The following SETDB1 variants were observed in gnomAD, a reference collection of about 807,000 sequenced individuals.
SETDB1 encodes the protein histone-lysine N-methyltransferase SETDB1.
A neutral mutation model predicts 137.4 loss-of-function variants in SETDB1; 31 were observed. That is an observed-to-expected ratio of 0.23 (90% CI 0.17 to 0.30). The LOEUF (loss-of-function observed/expected upper bound fraction) is 0.30, where lower values mean the gene tolerates loss of function less well. SETDB1 is among the 10% of genes least tolerant of loss of function. The probability of loss-of-function intolerance (pLI) is 1.00; values close to 1 mark genes in which losing one functional copy is unlikely to be tolerated. For synonymous variants in SETDB1, 548 were observed against 579.9 expected (o/e 0.95, Z 0.79); for missense variants, 1,113 against 1,631.5 (o/e 0.68, Z 5.47).
At chr1:150,927,510 A>G (rs1353231234) in intron 1 of SETDB1, among the ~76,000 whole-genome samples, 194 bp from the exon 2 acceptor site, 1 of 152,202 alleles carries the variant, frequency 6.6e-6, no homozygotes, top group Non-Finnish European at 1.5e-5. Flanking sequence ...CAGGAGTGTT[A>G]GCGTACAGCA....
At chr1:150,933,368 C>CTTTTTTTTTTTTTTTTTTTTTTTTT (rs71090112) in intron 3 of SETDB1, among the ~76,000 whole-genome samples, 1 of 118,886 alleles carries the variant, frequency 8.4e-6, no homozygotes, top group Non-Finnish European at 1.7e-5. Flanking sequence ...CCTATTTTGT[C>CTTTTTTTTTTTTTTTTTTTTTTTTT]TTTTTTTTTT....
chr1:150,964,206 C>G, intron 21 of SETDB1, 41 bp from the exon 22 acceptor site: 1 of 1,580,032 alleles, frequency 6.3e-7, no homozygotes, highest in Non-Finnish European at 8.7e-7. Context: ...CCTGGGTTAT[C>G]TGCTGTCTTT....
At chr1:150,961,769 C>A (rs1670830788) in intron 16 of SETDB1, 3 of 252,074 alleles carry the variant, frequency 1.2e-5, no homozygotes, top group East Asian at 7.9e-5. Flanking sequence ...AATGCTGTTT[C>A]AAGTTATTCA....
At chr1:150,959,076 C>T in intron 14 of SETDB1, 102 bp from the exon 15 acceptor site, 1 of 798,722 alleles carries the variant, frequency 1.3e-6, no homozygotes. Context: ...TTATCCACAA[C>T]ACATTATAAA....
At chr1:150,955,889 G>T (rs925710511) in intron 14 of SETDB1, among the ~76,000 whole-genome samples, 3 of 150,528 alleles carry the variant, frequency 2.0e-5, no homozygotes, top group Non-Finnish European at 4.4e-5. Context: ...AGGAGTTCGA[G>T]ACCAGCCTAG....
At chr1:150,945,220 C>A in intron 9 of SETDB1, 112 bp downstream of exon 9, 1 of 1,518,546 alleles carries the variant, frequency 6.6e-7, no homozygotes, top group Admixed American at 2.1e-5. Flanking sequence ...TTCTTATCCT[C>A]GTATGTGTTC....
At chr1:150,928,002 A>C in intron 2 of SETDB1, 28 bp downstream of exon 2, 1 of 1,605,964 alleles carries the variant, frequency 6.2e-7, no homozygotes, top group Non-Finnish European at 8.5e-7. Flanking sequence ...AATAGAAGGA[A>C]ATCTCTCCAT....
chr1:150,935,545 A>G (rs998707897), intron 3 of SETDB1, among the ~76,000 whole-genome samples: 6 of 150,868 alleles, frequency 4.0e-5, no homozygotes, highest in East Asian at 1.9e-4. Context: ...TTTTTCTTCA[A>G]TTTTCTCTCT....
intron 14 of SETDB1, among the ~76,000 whole-genome samples, chr1:150,955,756 T>G (rs750189401): frequency 1.3e-5 from 2 of 152,210 alleles, no homozygotes; most frequent in Non-Finnish European, 2.9e-5. Context: ...TTTGTCTTGC[T>G]AACCATTGTA....
intron 1 of SETDB1, among the ~76,000 whole-genome samples, chr1:150,927,386 A>G (rs1453158720): frequency 6.6e-6 from 1 of 152,188 alleles, no homozygotes; most frequent in Admixed American, 6.5e-5. Flanking sequence ...TCGGCCTCTA[A>G]AAGTGCTGAG....
intron 14 of SETDB1, among the ~76,000 whole-genome samples, chr1:150,956,311 G>A (rs151076490): frequency 1.3e-5 from 2 of 150,514 alleles, no homozygotes; most frequent in Admixed American, 1.3e-4. Flanking sequence ...ACTTGAACCC[G>A]CGAGGTGGAG....
rs192604807 is a variant in SETDB1, at chr1:150,947,098, A to G, written c.1267+86A>G. 1.4e-5 allele frequency: 21 copies of G among 1,501,626 alleles called. No homozygotes were observed. The Admixed American group carries it at 2.5e-4, about 18-fold the overall frequency. The allele number at this position is 1,501,626 out of a possible 1,614,324, so 93.0% of individuals were successfully genotyped here. The stretch of plus-strand genomic sequence containing the variant: ...ATACAATGGCTATCCTTTGATTAGC[A>G]TGGTTACACTGTATACTCATTGGAA... On this transcript the variant is annotated intron_variant, in intron 10 of 21. Coordinates refer to ENST00000692827, the MANE Select transcript of SETDB1 (RefSeq NM_001366418.1).
chr1:150,929,046 A>G (rs376770832), intron 2 of SETDB1, among the ~76,000 whole-genome samples: 6 of 152,236 alleles, frequency 3.9e-5, no homozygotes, highest in Non-Finnish European at 8.8e-5. Context: ...TAGTGCCGCA[A>G]TAAACATACG....
intron 10 of SETDB1, among the ~76,000 whole-genome samples, chr1:150,948,560 C>A (rs970151678): frequency 6.6e-6 from 1 of 151,480 alleles, no homozygotes; most frequent in African/African-American, 2.4e-5. Context: ...CATGAGCCAC[C>A]GCGCCTGGCC....
chr1:150,935,486 G>A (rs1008766190), intron 3 of SETDB1, among the ~76,000 whole-genome samples: 1 of 151,610 alleles, frequency 6.6e-6, no homozygotes, highest in African/African-American at 2.4e-5. Context: ...TACATATATG[G>A]TGGAATGCTT....
intron 3 of SETDB1, among the ~76,000 whole-genome samples, chr1:150,934,076 C>G (rs997257158): frequency 6.6e-6 from 1 of 152,016 alleles, no homozygotes; most frequent in Non-Finnish European, 1.5e-5. Context: ...AGCCACCACA[C>G]CCGGCCCCTG....
At chr1:150,936,060 C>T (rs1226363445) in intron 3 of SETDB1, among the ~76,000 whole-genome samples, 1 of 152,202 alleles carries the variant, frequency 6.6e-6, no homozygotes, top group Non-Finnish European at 1.5e-5. Context: ...AATCTCGGCT[C>T]ACTGCAAGCT....
At chr1:150,933,767 CTTTTTCTTTTTCTTTTTTTTTT>C (rs1032426678) in intron 3 of SETDB1, among the ~76,000 whole-genome samples, 2 of 116,820 alleles carry the variant, frequency 1.7e-5, no homozygotes, top group African/African-American at 3.4e-5. Context: ...TTTTCTTTTT[CTTTTTCTTTTTCTTTTTTTTTT>C]TTTTTTTTTT....
rs770964030 is a variant in SETDB1, at chr1:150,950,757, A to G, written c.1883A>G (p.Tyr628Cys). The G allele has an allele frequency of 1.9e-6, 3 of 1,614,182 alleles. No homozygotes were observed. The highest frequency in any genetic ancestry group is 1.7e-6 in the Non-Finnish European group (2 of 1,180,042). ...VNRKMGFHVI[Y>C]KTPCGLCLRT... is the part of the protein sequence containing the mutation. Reference sequence around the variant, plus strand: ...CGCAAGATGGGCTTTCATGTTATCTATAAGACACCTTGTGGTCTCTGCCTT... The same window carrying G: ...CGCAAGATGGGCTTTCATGTTATCTGTAAGACACCTTGTGGTCTCTGCCTT... The change falls in exon 13 of 22, where the codon TAT becomes TGT. Residue 628 changes from tyrosine to cysteine, a missense_variant. Coordinates refer to ENST00000692827, the MANE Select transcript of SETDB1 (RefSeq NM_001366418.1).
Sources: gnomAD v4.1 joint callset for allele counts (sites outside exome capture counted in the v4.1 genomes callset) on GRCh38, gnomAD v4.1.1 for gene constraint, MANE v1.5 for transcripts, NCBI Gene and HGNC (gene_info 2026-07-23, HGNC 2026-07-21) for gene names.